The following LRP1B variants were observed in gnomAD, a reference collection of about 807,000 sequenced individuals.
The protein encoded by LRP1B is LDL receptor related protein 1B, also known as low-density lipoprotein receptor-related protein 1B.
Under a neutral mutation model 556.6 loss-of-function variants are expected in LRP1B, and 217 were observed. The ratio of observed to expected loss-of-function variants is 0.39; its 90% CI spans 0.35 to 0.44. The LOEUF is 0.44. Among genes scored for constraint, LRP1B ranks in the 20% least tolerant of loss-of-function variants. The pLI, the probability that LRP1B is intolerant of heterozygous loss-of-function variation, is 1.00. For missense variants in LRP1B, 5,053 were observed against 5,620.8 expected (o/e 0.90, Z 3.23); for synonymous variants, 2,047 against 1,865.8 (o/e 1.10, Z -2.50).
chr2:140,709,289 C>A (rs7596671), intron 37 of LRP1B, among the ~76,000 whole-genome samples: 80,084 of 151,820 alleles, frequency 0.53, 22,244 homozygotes, highest in Middle Eastern at 0.64. Flanking sequence ...AAATTTTTAA[C>A]ATCTTAATGG....
chr2:141,297,048 T>C (rs1686208893), intron 3 of LRP1B, among the ~76,000 whole-genome samples: 1 of 152,222 alleles, frequency 6.6e-6, no homozygotes, highest in Non-Finnish European at 1.5e-5. Context: ...CATTCTTATT[T>C]ATGGCTGTGT....
At chr2:141,255,700 A>C (rs143645111) in intron 3 of LRP1B, among the ~76,000 whole-genome samples, 3,366 of 152,024 alleles carry the variant, frequency 0.022, 66 homozygotes, top group Non-Finnish European at 0.035. Context: ...TACTTCTTTG[A>C]GAAAACTGAA....
intron 31 of LRP1B, among the ~76,000 whole-genome samples, chr2:140,825,441 T>C (rs1224691999): frequency 6.6e-6 from 1 of 152,038 alleles, no homozygotes; most frequent in Non-Finnish European, 1.5e-5. Flanking sequence ...TTTTTTTTAG[T>C]TTTTTCTTCA....
intron 43 of LRP1B, among the ~76,000 whole-genome samples, chr2:140,596,750 C>T (rs1272871240): frequency 6.6e-6 from 1 of 152,158 alleles, no homozygotes; most frequent in Non-Finnish European, 1.5e-5. Context: ...GAATCACCTT[C>T]CTGCTACGTA....
intron 2 of LRP1B, among the ~76,000 whole-genome samples, chr2:141,542,853 C>T (rs2105212727): frequency 6.6e-6 from 1 of 152,098 alleles, no homozygotes; most frequent in East Asian, 1.9e-4. Flanking sequence ...TGCCTATTTG[C>T]AGTCCTATTG....
intron 1 of LRP1B, among the ~76,000 whole-genome samples, chr2:142,123,275 G>A (rs777447753): frequency 2.0e-5 from 3 of 151,940 alleles, no homozygotes; most frequent in East Asian, 1.9e-4. Flanking sequence ...ATGACAAATC[G>A]TCATTAAAGA....
intron 2 of LRP1B, among the ~76,000 whole-genome samples, chr2:141,734,456 T>TAGAGAGAGAGAG (rs1047388331): frequency 6.6e-6 from 1 of 151,170 alleles, no homozygotes; most frequent in Admixed American, 6.6e-5. Flanking sequence ...CAGGGAGAGA[T>TAGAGAGAGAGAG]AGAGAGAGAG....
At chr2:141,578,676 A>G (rs1686849018) in intron 2 of LRP1B, among the ~76,000 whole-genome samples, 1 of 152,212 alleles carries the variant, frequency 6.6e-6, no homozygotes, top group Admixed American at 6.5e-5. Context: ...ACTCAAATTC[A>G]TTTACTTCAA....
chr2:140,491,403 G>C (rs922273897), intron 57 of LRP1B, among the ~76,000 whole-genome samples: 2 of 151,856 alleles, frequency 1.3e-5, no homozygotes, highest in Non-Finnish European at 2.9e-5. Flanking sequence ...ACAACCTAGT[G>C]AAAAAATAGG....
chr2:140,982,480 A>G (rs190093891), intron 17 of LRP1B, among the ~76,000 whole-genome samples: 2 of 152,156 alleles, frequency 1.3e-5, no homozygotes, highest in African/African-American at 4.8e-5. Flanking sequence ...TTGCCCTTCA[A>G]TTATCAATGA....
chr2:140,434,552 G>T (rs1458718938), intron 66 of LRP1B, among the ~76,000 whole-genome samples: 1 of 152,126 alleles, frequency 6.6e-6, no homozygotes, highest in Non-Finnish European at 1.5e-5. Flanking sequence ...AACCCAACAA[G>T]AGGTGACAGT....
chr2:140,320,737 C>A (rs1319487900), intron 82 of LRP1B, among the ~76,000 whole-genome samples: 1 of 152,010 alleles, frequency 6.6e-6, no homozygotes. Context: ...AAGAACACTG[C>A]CTTTGTGTCT....
At chr2:141,821,108 A>T (rs1426347114) in intron 1 of LRP1B, among the ~76,000 whole-genome samples, 1 of 152,244 alleles carries the variant, frequency 6.6e-6, no homozygotes, top group Non-Finnish European at 1.5e-5. Context: ...TAACTCTAAC[A>T]GCTGGGAAGG....
intron 25 of LRP1B, among the ~76,000 whole-genome samples, chr2:140,880,617 A>C (rs1187829192): frequency 6.6e-6 from 1 of 152,162 alleles, no homozygotes; most frequent in African/African-American, 2.4e-5. Flanking sequence ...GTAAAAAAAA[A>C]GGTCACAAAG....
chr2:140,876,169 A>T (rs542986776), intron 25 of LRP1B, among the ~76,000 whole-genome samples: 1 of 152,162 alleles, frequency 6.6e-6, no homozygotes, highest in Non-Finnish European at 1.5e-5. Flanking sequence ...AACTGCATGG[A>T]CTGAATTAAT....
At chr2:141,194,520 T>C (rs1426338132) in intron 6 of LRP1B, among the ~76,000 whole-genome samples, 2 of 152,128 alleles carry the variant, frequency 1.3e-5, no homozygotes, top group Non-Finnish European at 2.9e-5. Flanking sequence ...CAAAACATGA[T>C]TTCCACATTT....
At chr2:141,479,880 T>A (rs751910649) in intron 3 of LRP1B, among the ~76,000 whole-genome samples, 9 of 152,332 alleles carry the variant, frequency 5.9e-5, no homozygotes, top group Non-Finnish European at 1.3e-4. Context: ...AGAATTTAGA[T>A]GTTGATTTTT....
chr2:141,122,089 C>T (rs1372048245), intron 7 of LRP1B, among the ~76,000 whole-genome samples: 1 of 152,076 alleles, frequency 6.6e-6, no homozygotes, highest in Non-Finnish European at 1.5e-5. Flanking sequence ...ACACCTTATA[C>T]AAAAATTAAT....
At chr2:141,878,624 C>A (rs1011104540) in intron 1 of LRP1B, among the ~76,000 whole-genome samples, 8 of 151,842 alleles carry the variant, frequency 5.3e-5, no homozygotes, top group African/African-American at 1.7e-4. Context: ...TTGATAAAGT[C>A]ATATATTAAA....
Sources: gnomAD v4.1 joint callset for allele counts (sites outside exome capture counted in the v4.1 genomes callset) on GRCh38, gnomAD v4.1.1 for gene constraint, MANE v1.5 for transcripts, NCBI Gene and HGNC (gene_info 2026-07-23, HGNC 2026-07-21) for gene names.